The following CHST11 variants were observed in gnomAD, a reference collection of about 807,000 sequenced individuals.
CHST11 encodes C4S-1.
Under a neutral mutation model 30.4 loss-of-function variants are expected in CHST11, and 9 were observed. The observed-to-expected ratio is 0.30, with a 90% confidence interval of 0.18 to 0.52. CHST11 has a LOEUF of 0.52. Ranked by LOEUF, CHST11 falls within the 20% of genes least tolerant of loss-of-function variation. CHST11 has a pLI of 0.97. For missense variants in CHST11, 348 were observed against 460.6 expected (o/e 0.76, Z 2.24); for synonymous variants, 152 against 187.8 (o/e 0.81, Z 1.56).
chr12:104,471,830 G>A (rs75494042), intron 1 of CHST11, among the ~76,000 whole-genome samples: 9,236 of 152,112 alleles, frequency 0.061, 691 homozygotes, highest in African/African-American at 0.17. Flanking sequence ...CTAAATTCAG[G>A]CTAGCTGCAT....
chr12:104,650,540 A>T (rs1169732002), intron 2 of CHST11, among the ~76,000 whole-genome samples: 1 of 152,140 alleles, frequency 6.6e-6, no homozygotes. Flanking sequence ...GGGTCACCAG[A>T]ACTCTCTGCT....
chr12:104,712,055 G>A (rs1425204775), intron 2 of CHST11, among the ~76,000 whole-genome samples: 2 of 152,180 alleles, frequency 1.3e-5, no homozygotes, highest in Non-Finnish European at 2.9e-5. Context: ...AGGTTGGGCT[G>A]GGGCAGGTCA....
chr12:104,584,398 G>A (rs1191479262), intron 1 of CHST11, among the ~76,000 whole-genome samples: 5 of 151,512 alleles, frequency 3.3e-5, no homozygotes, highest in Non-Finnish European at 7.4e-5. Flanking sequence ...CTGGGACTAC[G>A]GGTATATGCC....
intron 2 of CHST11, among the ~76,000 whole-genome samples, chr12:104,748,276 A>G (rs2040403942): frequency 1.3e-5 from 2 of 152,144 alleles, no homozygotes; most frequent in South Asian, 4.1e-4. Flanking sequence ...TCATTTCCAA[A>G]TAGTATAAAG....
chr12:104,761,480 C>A lies in CHST11; in HGVS notation c.*3677C>A. The A allele has an allele frequency of 6.5e-6, 1 of 153,504 alleles. No homozygotes were observed. Among genetic ancestry groups the A allele is most frequent in the Non-Finnish European group, 1.4e-5 (1 of 69,232 alleles). 9.5% of individuals were successfully genotyped at this position (153,504 alleles called of 1,614,324 possible). ...GTCCTCCCCTACACACACACACACACACACACACACACACACACACAATCT... is the reference window on the plus strand; with the variant it reads ...GTCCTCCCCTACACACACACACACAAACACACACACACACACACACAATCT... On this transcript the variant is annotated 3_prime_UTR_variant, in exon 3 of 3. Transcript: ENST00000303694.
In CHST11 at chr12:104,757,954, G is replaced by T. The variant is rs752102462; in HGVS notation, c.*151G>T. 7 of 862,382 alleles carry T rather than the reference G, an allele frequency of 8.1e-6. No homozygotes were observed. In the African/African-American group the frequency reaches 1.0e-4, roughly 13 times the overall value. The allele number at this position is 862,382 out of a possible 1,614,324, so 53.4% of individuals were successfully genotyped here. A position where few individuals can be genotyped will look rare whatever the true frequency, so the allele number is the denominator to read the frequency against. On this transcript the variant is annotated 3_prime_UTR_variant, in exon 3 of 3. Coordinates refer to ENST00000303694, the MANE Select transcript of CHST11 (RefSeq NM_018413.6). The surrounding 1 kb of genome is among the most constrained non-coding windows in gnomAD (Gnocchi z 6.5). The stretch of plus-strand genomic sequence containing the variant: ...TAGTGAGAATTATTTAAAATCCTTC[G>T]TAGGGAAGGACAGCTGTCTTTGCAG...
rs575438410 is a variant in CHST11, at chr12:104,575,911, A to G, written c.119-25995A>G. Reference sequence around the variant, plus strand: ...GTAAATAAAAGGGTTAGCTTCTTCAAAATTCATTCTTGTCTTCTATTGTTA... The same window carrying G: ...GTAAATAAAAGGGTTAGCTTCTTCAGAATTCATTCTTGTCTTCTATTGTTA... On this transcript the variant is annotated intron_variant, in intron 1 of 2. Coordinates refer to ENST00000303694, the MANE Select transcript of CHST11 (RefSeq NM_018413.6). 2.6e-5 allele frequency among the ~76,000 whole-genome samples: 4 copies of G among 152,000 alleles called. No individual in the cohort carries two copies. In the East Asian group the frequency reaches 8.0e-4, roughly 30 times the overall value.
intron 2 of CHST11, among the ~76,000 whole-genome samples, chr12:104,665,001 G>A (rs1301860606): frequency 2.0e-5 from 3 of 152,212 alleles, no homozygotes; most frequent in Non-Finnish European, 4.4e-5. Context: ...CAGGAAGAGA[G>A]AGTGGCTCTG....
chr12:104,627,216 C>T (rs766152627), intron 2 of CHST11, among the ~76,000 whole-genome samples: 1 of 152,100 alleles, frequency 6.6e-6, no homozygotes, highest in Non-Finnish European at 1.5e-5. Flanking sequence ...CTGGATGGAA[C>T]ACAGTTTGTT....
intron 1 of CHST11, among the ~76,000 whole-genome samples, chr12:104,511,147 C>G (rs2037961667): frequency 6.6e-6 from 1 of 152,182 alleles, no homozygotes; most frequent in Non-Finnish European, 1.5e-5. Flanking sequence ...TTGAATCAGT[C>G]TCCACTTTCA....
chr12:104,569,535 C>T (rs2038602861), intron 1 of CHST11, among the ~76,000 whole-genome samples: 1 of 152,174 alleles, frequency 6.6e-6, no homozygotes, highest in Admixed American at 6.5e-5. Flanking sequence ...ACACAGAGCT[C>T]TGTGGCTGAG....
chr12:104,646,274 C>T (rs537658799), intron 2 of CHST11, among the ~76,000 whole-genome samples: 6 of 152,170 alleles, frequency 3.9e-5, no homozygotes, highest in Non-Finnish European at 7.3e-5. Flanking sequence ...TCTTGGTGGC[C>T]TTTGCTGGCA....
intron 1 of CHST11, among the ~76,000 whole-genome samples, chr12:104,476,029 T>C (rs896813121): frequency 6.9e-6 from 1 of 144,454 alleles, no homozygotes; most frequent in Non-Finnish European, 1.5e-5. Context: ...TATATTATAA[T>C]ATATACATAT....
intron 1 of CHST11, among the ~76,000 whole-genome samples, chr12:104,594,443 C>T (rs2038889313): frequency 6.6e-6 from 1 of 152,098 alleles, no homozygotes; most frequent in Admixed American, 6.6e-5. Flanking sequence ...GACTTATTGG[C>T]TTCTGTTTAC....
At chr12:104,690,947 T>A (rs1301701326) in intron 2 of CHST11, among the ~76,000 whole-genome samples, 1 of 152,228 alleles carries the variant, frequency 6.6e-6, no homozygotes, top group Non-Finnish European at 1.5e-5. Context: ...TTACTGCATA[T>A]CAGAATCATC....
intron 2 of CHST11, among the ~76,000 whole-genome samples, chr12:104,670,642 C>T (rs1304623514): frequency 1.3e-5 from 2 of 150,482 alleles, no homozygotes; most frequent in African/African-American, 4.9e-5. Context: ...CTCATGCACA[C>T]TCTCCCACAC....
At chr12:104,569,254 T>TA (rs781444798) in intron 1 of CHST11, among the ~76,000 whole-genome samples, 11 of 152,200 alleles carry the variant, frequency 7.2e-5, no homozygotes, top group Admixed American at 3.3e-4. Context: ...ATTCTAGGAA[T>TA]AGAGAACCCT....
At position 104,676,066 on chromosome 12, in the gene CHST11, C is replaced by G. The variant is rs703675; in HGVS notation, c.204+74075C>G. Among the ~76,000 whole-genome samples the G allele has an allele frequency of 6.6e-6, 1 of 152,052 alleles. No homozygotes were observed. The highest frequency in any genetic ancestry group is 1.5e-5 in the Non-Finnish European group (1 of 68,020). The stretch of plus-strand genomic sequence containing the variant: ...GCATAGGAAAGACCTGTTCAATGAT[C>G]ATCTTTTTATATTGTTTTGATTTTT... On this transcript the variant is annotated intron_variant, in intron 2 of 2. Coordinates refer to ENST00000303694, the MANE Select transcript of CHST11 (RefSeq NM_018413.6). This position sits in a 1 kb window ranked among gnomAD's most constrained non-coding sequence, Gnocchi z 4.4.
chr12:104,649,811 G>C (rs2039474208), intron 2 of CHST11, among the ~76,000 whole-genome samples: 1 of 152,216 alleles, frequency 6.6e-6, no homozygotes, highest in Non-Finnish European at 1.5e-5. Context: ...TAATGGGATG[G>C]GGAATGCAGC....
Sources: gnomAD v4.1 joint callset for allele counts (sites outside exome capture counted in the v4.1 genomes callset) on GRCh38, gnomAD v4.1.1 for gene constraint, Gnocchi (gnomAD v3.1) non-coding constraint, MANE v1.5 for transcripts, NCBI Gene and HGNC (gene_info 2026-07-23, HGNC 2026-07-21) for gene names.